Variants in TECRL observed in about 807,000 individuals in gnomAD.
The protein encoded by TECRL is trans-2,3-enoyl-CoA reductase-like.
TECRL carries 63 observed loss-of-function variants against 52.8 expected under a neutral mutation model. The ratio of observed to expected loss-of-function variants is 1.19; its 90% CI spans 0.97 to 1.47. The LOEUF is 1.47. TECRL is among the 40% of genes most tolerant of loss of function. The probability of loss-of-function intolerance (pLI) is 0.00; values close to 1 mark genes in which losing one functional copy is unlikely to be tolerated. For missense variants in TECRL, 482 were observed against 429.6 expected (o/e 1.12, Z -1.08); for synonymous variants, 164 against 141.9 (o/e 1.16, Z -1.10).
At position 64,279,667 on chromosome 4, in the gene TECRL, G is replaced by A. The variant is rs1560465638; in HGVS notation, c.*405C>T. On this transcript the variant is annotated 3_prime_UTR_variant, in exon 12 of 12. Transcript: ENST00000381210. ...CATTTCTGTATGAATAGTTAATGTT[G>A]AGCATTTTAAAAATATACTTATTGA... The A allele has an allele frequency of 2.1e-6, 1 of 468,010 alleles. No homozygotes were observed. The highest frequency in any genetic ancestry group is 2.8e-6 in the Non-Finnish European group (1 of 357,346). 29.0% of individuals were successfully genotyped at this position (468,010 alleles called of 1,614,324 possible). A position where few individuals can be genotyped will look rare whatever the true frequency, so the allele number is the denominator to read the frequency against.
intron 6 of TECRL, among the ~76,000 whole-genome samples, chr4:64,305,770 G>A (rs897833284): frequency 2.6e-5 from 4 of 152,048 alleles, no homozygotes; most frequent in East Asian, 1.9e-4. Flanking sequence ...GCCAAACCCA[G>A]GCATGCACAG....
At chr4:64,392,144 G>A (rs1247191945) in intron 1 of TECRL, among the ~76,000 whole-genome samples, 3 of 151,806 alleles carry the variant, frequency 2.0e-5, no homozygotes, top group African/African-American at 7.2e-5. Context: ...TGTTTCTAAG[G>A]CAAAAGCTAA....
intron 7 of TECRL, among the ~76,000 whole-genome samples, chr4:64,302,753 A>C (rs1724095439): frequency 6.6e-6 from 1 of 151,476 alleles, no homozygotes; most frequent in Admixed American, 6.6e-5. Context: ...TATTAAAACA[A>C]AAATTAAAAG....
intron 2 of TECRL, among the ~76,000 whole-genome samples, chr4:64,354,935 A>C (rs1451359157): frequency 6.6e-6 from 1 of 152,206 alleles, no homozygotes; most frequent in Non-Finnish European, 1.5e-5. Context: ...ATAAGTAAGT[A>C]AACTATTTTC....
chr4:64,349,433 TA>T (rs547664191), intron 2 of TECRL, among the ~76,000 whole-genome samples: 90 of 152,170 alleles, frequency 5.9e-4, no homozygotes, highest in Middle Eastern at 6.8e-3. Flanking sequence ...CCCCAGCCTA[TA>T]AAAACCTTTT....
intron 1 of TECRL, among the ~76,000 whole-genome samples, chr4:64,385,695 G>A (rs925155699): frequency 9.9e-5 from 15 of 152,150 alleles, no homozygotes; most frequent in African/African-American, 3.6e-4. Context: ...AAATGGAGCA[G>A]TGCAGCAGCT....
chr4:64,295,883 G>T (rs1723652333), intron 8 of TECRL, among the ~76,000 whole-genome samples: 1 of 151,838 alleles, frequency 6.6e-6, no homozygotes, highest in Admixed American at 6.6e-5. Flanking sequence ...CAACTAGTTT[G>T]CAAAATAAAT....
At chr4:64,368,522 C>G (rs933313508) in intron 2 of TECRL, among the ~76,000 whole-genome samples, 2 of 152,112 alleles carry the variant, frequency 1.3e-5, no homozygotes, top group Non-Finnish European at 2.9e-5. Flanking sequence ...TCTCAAACTC[C>G]TGACCTCATG....
downstream of TECRL, chr4:64,276,863 A>G (rs1412874287): frequency 1.2e-5 from 5 of 404,180 alleles, no homozygotes; most frequent in Non-Finnish European, 1.3e-5. Context: ...ACACATACCC[A>G]TATACATATG....
intron 7 of TECRL, among the ~76,000 whole-genome samples, chr4:64,302,550 T>C (rs1195356393): frequency 6.6e-6 from 1 of 151,196 alleles, no homozygotes; most frequent in African/African-American, 2.4e-5. Context: ...ACAGAATATG[T>C]GATTAAAGAT....
intron 1 of TECRL, among the ~76,000 whole-genome samples, chr4:64,384,712 A>T (rs1415052475): frequency 6.6e-6 from 1 of 151,930 alleles, no homozygotes; most frequent in Admixed American, 6.6e-5. Flanking sequence ...GTGCATGGAC[A>T]CAGGTTGTGG....
chr4:64,360,320 A>C (rs1425127546), intron 2 of TECRL, among the ~76,000 whole-genome samples: 1 of 152,162 alleles, frequency 6.6e-6, no homozygotes, highest in Admixed American at 6.6e-5. Flanking sequence ...GCAATTTTAA[A>C]GTTGAGTAAT....
intron 2 of TECRL, among the ~76,000 whole-genome samples, chr4:64,364,979 C>G (rs1721491127): frequency 6.6e-6 from 1 of 151,842 alleles, no homozygotes; most frequent in African/African-American, 2.4e-5. Context: ...GACAATAACC[C>G]CGATGAAGAT....
chr4:64,382,189 C>CTGTA (rs1722842219), intron 1 of TECRL, among the ~76,000 whole-genome samples: 1 of 109,068 alleles, frequency 9.2e-6, no homozygotes, highest in African/African-American at 4.2e-5. Context: ...GAGGAAATTT[C>CTGTA]TGTATATATA....
intron 1 of TECRL, among the ~76,000 whole-genome samples, chr4:64,392,950 T>C (rs1219626815): frequency 6.6e-6 from 1 of 151,936 alleles, no homozygotes; most frequent in Non-Finnish European, 1.5e-5. Flanking sequence ...CACCACCTCA[T>C]TCCTAGCATC....
At chr4:64,334,772 C>A (rs1223859907) in intron 2 of TECRL, among the ~76,000 whole-genome samples, 1 of 152,144 alleles carries the variant, frequency 6.6e-6, no homozygotes, top group Admixed American at 6.5e-5. Flanking sequence ...AAGCAACAAG[C>A]TGGTTGCCTG....
intron 8 of TECRL, among the ~76,000 whole-genome samples, chr4:64,298,532 T>C (rs982412385): frequency 4.0e-4 from 61 of 151,278 alleles, no homozygotes; most frequent in African/African-American, 1.4e-3. Context: ...CTTTTTTAAA[T>C]AAAAGAAATG....
At chr4:64,281,832 A>G (rs1477979728) in intron 9 of TECRL, among the ~76,000 whole-genome samples, 1 of 151,886 alleles carries the variant, frequency 6.6e-6, no homozygotes, top group Non-Finnish European at 1.5e-5. Flanking sequence ...CAATTCTTTA[A>G]GATCTTAAAT....
At chr4:64,363,728 A>C (rs1721389366) in intron 2 of TECRL, among the ~76,000 whole-genome samples, 1 of 152,160 alleles carries the variant, frequency 6.6e-6, no homozygotes, top group Non-Finnish European at 1.5e-5. Flanking sequence ...CAGGGCAAAT[A>C]TTTAGGCTAA....
Sources: gnomAD v4.1 joint callset for allele counts (sites outside exome capture counted in the v4.1 genomes callset) on GRCh38, gnomAD v4.1.1 for gene constraint, MANE v1.5 for transcripts, NCBI Gene and HGNC (gene_info 2026-07-23, HGNC 2026-07-21) for gene names.